Variants in COL18A1 observed in about 807,000 individuals in gnomAD.
COL18A1 encodes collagen alpha-1(XVIII) chain.
COL18A1 carries 133 observed loss-of-function variants against 168.0 expected under a neutral mutation model. That is an observed-to-expected ratio of 0.79 (90% CI 0.69 to 0.91). The LOEUF is 0.91. COL18A1 is among the 40% of genes least tolerant of loss of function. The probability of loss-of-function intolerance (pLI) is 0.00; values close to 1 mark genes in which losing one functional copy is unlikely to be tolerated. For missense variants in COL18A1, 2,126 were observed against 1,925.4 expected (o/e 1.10, Z -1.95); for synonymous variants, 949 against 809.0 (o/e 1.17, Z -2.94).
At chr21:45,447,195 T>TTATA (rs370444245) in intron 2 of COL18A1, among the ~76,000 whole-genome samples, 28 of 150,020 alleles carry the variant, frequency 1.9e-4, no homozygotes, top group Admixed American at 6.7e-5. Context: ...AGGCCAGATC[T>TTATA]TATATATATA....
chr21:45,453,100 T>G (rs998075457), intron 2 of COL18A1, among the ~76,000 whole-genome samples: 1 of 152,054 alleles, frequency 6.6e-6, no homozygotes, highest in Non-Finnish European at 1.5e-5. Context: ...ATGTATGACA[T>G]GTAAGCATTA....
chr21:45,493,546 GC>G lies in COL18A1; in HGVS notation c.2326del (p.Leu776TrpfsTer41). 6.4e-7 allele frequency: 1 copy of G among 1,558,226 alleles called. No individual in the cohort carries two copies. On this transcript the variant is annotated frameshift_variant, in exon 26 of 42. Transcript: ENST00000651438. LOFTEE classifies it high-confidence loss of function. ...PGSIFSPDGG[A>X]LGPAQKGAKG... ...CAGCATCTTCAGCCCCGACGGCGGT[GC>G]CCTGGGCCCTGCCCAGAAAGGAGCC...
intron 4 of COL18A1, among the ~76,000 whole-genome samples, chr21:45,475,101 G>A (rs2035599728): frequency 6.6e-6 from 1 of 152,218 alleles, no homozygotes; most frequent in Admixed American, 6.5e-5. Flanking sequence ...GTTCGGCCCA[G>A]CCGGGCGTGC....
chr21:45,482,971 C>G, intron 15 of COL18A1, 150 bp downstream of exon 15: 1 of 1,222,920 alleles, frequency 8.2e-7, no homozygotes, highest in Non-Finnish European at 1.2e-6. Context: ...GTCCATCCGT[C>G]CTGCCGGAAT....
At chr21:45,439,154 A>G (rs1211926810) in intron 2 of COL18A1, among the ~76,000 whole-genome samples, 1 of 152,242 alleles carries the variant, frequency 6.6e-6, no homozygotes, top group East Asian at 1.9e-4. Context: ...GAGAAAACCT[A>G]TCTGTTGCTG....
At position 45,498,439 on chromosome 21, in the gene COL18A1, G is replaced by A. The variant is rs1235163089; in HGVS notation, c.2683+778G>A. ...CCTCTCGCCGCCACGGTCCCCTCTC[G>A]CCGCCAGGGTCCCCTCTCGCCGCCA... On this transcript the variant is annotated intron_variant, in intron 32 of 41. Transcript: ENST00000651438. This position sits in a 1 kb window ranked among gnomAD's most constrained non-coding sequence, Gnocchi z 4.5. The A allele has an allele frequency of 5.5e-5, 38 of 687,014 alleles. No individual in the cohort carries two copies. The highest frequency in any genetic ancestry group is 1.9e-4 in the East Asian group (7 of 36,840). 42.6% of individuals were successfully genotyped at this position (687,014 alleles called of 1,614,324 possible).
intron 2 of COL18A1, among the ~76,000 whole-genome samples, chr21:45,461,371 C>A (rs1389288498): frequency 6.6e-6 from 1 of 151,882 alleles, no homozygotes; most frequent in East Asian, 2.0e-4. Flanking sequence ...GTCAAGGAGG[C>A]CCCCGTTGCC....
Position 45,477,451 on chromosome 21 carries a change from C to G in COL18A1, c.969C>G (p.Asp323Glu). 6.2e-7 allele frequency: 1 copy of G among 1,612,834 alleles called. No homozygotes were observed. Among genetic ancestry groups the G allele is most frequent in the East Asian group, 2.2e-5 (1 of 44,838 alleles). The change falls in exon 7 of 42, where the codon GAC (aspartate) becomes GAG (glutamate). Residue 323 changes from aspartate to glutamate, a missense_variant. Transcript: ENST00000651438. Reference sequence around the variant, plus strand: ...GCTCAGATTCTGTCTCCACGTGGGACGGGAGTGTCCGGACCCCTGGGGGCC... The same window carrying G: ...GCTCAGATTCTGTCTCCACGTGGGAGGGGAGTGTCCGGACCCCTGGGGGCC... ...LPGSDSVSTW[D>E]GSVRTPGGRV...
Position 45,504,487 on chromosome 21 carries a change from C to A in COL18A1, c.2799C>A (p.Phe933Leu), listed in dbSNP as rs370771189. The A allele has an allele frequency of 2.5e-6, 4 of 1,590,136 alleles. No homozygotes were observed. The highest frequency in any genetic ancestry group is 2.2e-5 in the South Asian group (2 of 90,002). The change falls in exon 34 of 42, where the codon TTC becomes TTA. Residue 933 changes from phenylalanine to leucine, a missense_variant. By Grantham distance (22) the Phe-to-Leu change is conservative. Transcript: ENST00000651438. ...ERGEPGGGGFFGSSLPGPPGP... is the reference protein window; with the variant it reads ...ERGEPGGGGFLGSSLPGPPGP... ...GGGAGCCCGGGGGCGGCGGTTTCTT[C>A]GGCTCCAGCCTGCCCGGCCCCCCCG...
Position 45,457,108 on chromosome 21 carries a change from G to C in COL18A1, c.107-11134G>C, listed in dbSNP as rs1361522877. Among the ~76,000 whole-genome samples the C allele has an allele frequency of 6.6e-6, 1 of 152,162 alleles. No homozygotes were observed. Among genetic ancestry groups the C allele is most frequent in the African/African-American group, 2.4e-5 (1 of 41,430 alleles). ...GGATGAACCGCAGCCGATGTGTCCAGGTGCCACCTGGGCCTGGAGCTCCCT... is the reference window on the plus strand; with the variant it reads ...GGATGAACCGCAGCCGATGTGTCCACGTGCCACCTGGGCCTGGAGCTCCCT... On this transcript the variant is annotated intron_variant, in intron 2 of 41. Transcript: ENST00000651438. This position sits in a 1 kb window ranked among gnomAD's most constrained non-coding sequence, Gnocchi z 4.6.
At chr21:45,476,136 C>A (rs921459903) in intron 5 of COL18A1, among the ~76,000 whole-genome samples, 17 of 136,248 alleles carry the variant, frequency 1.2e-4, no homozygotes, top group Non-Finnish European at 2.1e-4. Flanking sequence ...CAGGCGCGGT[C>A]CTGGGTCCTG....
intron 36 of COL18A1, 36 bp from the exon 37 acceptor site, chr21:45,505,802 C>T (rs748392655): frequency 3.8e-5 from 58 of 1,543,504 alleles, no homozygotes; most frequent in African/African-American, 6.8e-5. Context: ...CCGCCCTCCC[C>T]GCCAAGCCCC....
chr21:45,482,752 C>T lies in COL18A1; in HGVS notation c.1675-43C>T, dbSNP rs745338092. 4.3e-6 allele frequency: 7 copies of T among 1,614,084 alleles called. No homozygotes were observed. In the Admixed American group the frequency reaches 1.2e-4, roughly 27 times the overall value. Reference sequence around the variant, plus strand: ...GATGTGCCTTCCTCTGTCCACTGTGCTGCAAGTCTGATTTTGTCATAATCC... The same window carrying T: ...GATGTGCCTTCCTCTGTCCACTGTGTTGCAAGTCTGATTTTGTCATAATCC... On this transcript the variant is annotated intron_variant, in intron 14 of 41. Transcript: ENST00000651438.
At chr21:45,455,406 G>A (rs533277478) in intron 2 of COL18A1, 1 of 1,384,646 alleles carries the variant, frequency 7.2e-7, no homozygotes, top group African/African-American at 1.4e-5. Context: ...AGTGGGGGGT[G>A]GAAGACAGCC....
At position 45,457,992 on chromosome 21, in the gene COL18A1, G is replaced by T. The variant is rs2034899248; in HGVS notation, c.107-10250G>T. On this transcript the variant is annotated intron_variant, in intron 2 of 41. Coordinates refer to ENST00000651438, the MANE Select transcript of COL18A1 (RefSeq NM_001379500.1). This position sits in a 1 kb window ranked among gnomAD's most constrained non-coding sequence, Gnocchi z 4.6. ...CTCAGCAAAGCCCAGAGCCTCTGCA[G>T]ACCCTGTGTGGGGCCTGGGGAGTGG... is the stretch of plus-strand genomic sequence containing the variant. Among the ~76,000 whole-genome samples the T allele has an allele frequency of 6.6e-6, 1 of 152,116 alleles. No individual in the cohort carries two copies. Among genetic ancestry groups the T allele is most frequent in the Admixed American group, 6.5e-5 (1 of 15,280 alleles).
intron 2 of COL18A1, chr21:45,421,729 A>C (rs2033630853): frequency 2.4e-6 from 1 of 416,292 alleles, no homozygotes. Context: ...AGAGACCCTC[A>C]TTCCTGCCAC....
chr21:45,434,871 C>T (rs1378482713), intron 2 of COL18A1, among the ~76,000 whole-genome samples: 1 of 152,154 alleles, frequency 6.6e-6, no homozygotes, highest in East Asian at 1.9e-4. Flanking sequence ...TGAGGGGTGA[C>T]CCAGGGCCTT....
chr21:45,480,426 C>T, intron 11 of COL18A1, 41 bp from the exon 12 acceptor site: 1 of 1,613,886 alleles, frequency 6.2e-7, no homozygotes, highest in African/African-American at 1.3e-5. Context: ...AGGCGGGGGG[C>T]CGAGCTCAGG....
At chr21:45,474,799 C>T (rs986363507) in intron 4 of COL18A1, among the ~76,000 whole-genome samples, 4 of 152,366 alleles carry the variant, frequency 2.6e-5, no homozygotes, top group East Asian at 1.9e-4. Context: ...CAGGAGACAC[C>T]GTGGCTGGAC....
Sources: allele counts gnomAD v4.1 joint callset (sites outside exome capture counted in the v4.1 genomes callset), GRCh38; gene constraint gnomAD v4.1.1; non-coding constraint Gnocchi (gnomAD v3.1); transcripts MANE v1.5; gene names NCBI Gene and HGNC (gene_info 2026-07-23, HGNC 2026-07-21).